Variants in HTR7 observed in about 807,000 individuals in gnomAD.
The protein encoded by HTR7 is 5-hydroxytryptamine receptor 7.
HTR7 carries 16 observed loss-of-function variants against 34.0 expected under a neutral mutation model. The ratio of observed to expected loss-of-function variants is 0.47; its 90% CI spans 0.32 to 0.71. The LOEUF (loss-of-function observed/expected upper bound fraction) is 0.71, where lower values mean the gene tolerates loss of function less well. Among genes scored for constraint, HTR7 ranks in the 30% least tolerant of loss-of-function variants. HTR7 has a pLI of 0.04. For synonymous variants in HTR7, 265 were observed against 260.2 expected, an observed-to-expected ratio of 1.02 and a Z score of -0.18; for missense variants, 504 against 625.5, an observed-to-expected ratio of 0.81 and a Z score of 2.07.
chr10:90,785,673 G>A (rs549388756), intron 1 of HTR7, among the ~76,000 whole-genome samples: 1 of 152,316 alleles, frequency 6.6e-6, no homozygotes, highest in South Asian at 2.1e-4. Context: ...AACCAGTACT[G>A]AGCGTCCAGA....
intron 1 of HTR7, among the ~76,000 whole-genome samples, chr10:90,801,041 T>C (rs894937938): frequency 6.6e-6 from 1 of 152,214 alleles, no homozygotes; most frequent in African/African-American, 2.4e-5. Flanking sequence ...TGCTCTCTTC[T>C]CCTGAGGTTC....
At position 90,759,462 on chromosome 10, in the gene HTR7, T is replaced by C. The variant is rs1844895604; in HGVS notation, c.540-9868A>G. Among the ~76,000 whole-genome samples the C allele has an allele frequency of 4.0e-5, 6 of 149,866 alleles. No homozygotes were observed. In the South Asian group the frequency reaches 1.3e-3, roughly 32 times the overall value. On this transcript the variant is annotated intron_variant, in intron 1 of 3. Coordinates refer to ENST00000336152, the MANE Select transcript of HTR7 (RefSeq NM_019859.4). ...TGAGGTCAGGAGATCGAGACCATCCTGGCTAACAAGGTGAAACCCCGTCTC... is the reference window on the plus strand; with the variant it reads ...TGAGGTCAGGAGATCGAGACCATCCCGGCTAACAAGGTGAAACCCCGTCTC...
At chr10:90,856,002 A>C (rs1846573640) in intron 1 of HTR7, among the ~76,000 whole-genome samples, 1 of 152,168 alleles carries the variant, frequency 6.6e-6, no homozygotes, top group Non-Finnish European at 1.5e-5. Context: ...CAGTGTTTTC[A>C]AGAAGAAAAA....
At chr10:90,761,193 A>C (rs1419303443) in intron 1 of HTR7, among the ~76,000 whole-genome samples, 2 of 152,118 alleles carry the variant, frequency 1.3e-5, no homozygotes, top group African/African-American at 4.8e-5. Flanking sequence ...ACTACATGTT[A>C]TTTATTTTAT....
intron 1 of HTR7, among the ~76,000 whole-genome samples, chr10:90,770,580 A>T (rs749522464): frequency 7.9e-5 from 12 of 152,064 alleles, no homozygotes; most frequent in Admixed American, 3.9e-4. Context: ...TCAGAGCGGG[A>T]TTGGGGCCGA....
intron 1 of HTR7, among the ~76,000 whole-genome samples, chr10:90,831,957 C>T (rs1262369446): frequency 2.0e-5 from 3 of 151,888 alleles, no homozygotes; most frequent in Non-Finnish European, 4.4e-5. Context: ...TGCCGATTGG[C>T]GCATTCACAA....
At chr10:90,752,154 T>C (rs902519210) in intron 1 of HTR7, among the ~76,000 whole-genome samples, 2 of 152,106 alleles carry the variant, frequency 1.3e-5, no homozygotes, top group Non-Finnish European at 2.9e-5. Flanking sequence ...CACTTCCACC[T>C]GGTGAGACAT....
intron 1 of HTR7, among the ~76,000 whole-genome samples, chr10:90,838,611 C>T (rs1846284773): frequency 6.6e-6 from 1 of 152,230 alleles, no homozygotes; most frequent in Non-Finnish European, 1.5e-5. Flanking sequence ...AAAGTCCAAA[C>T]TCTTTACCTG....
chr10:90,839,470 A>C (rs1412197819), intron 1 of HTR7, among the ~76,000 whole-genome samples: 2 of 152,218 alleles, frequency 1.3e-5, no homozygotes, highest in African/African-American at 4.8e-5. Context: ...AAAAGGAAGA[A>C]AGCTATGTAG....
chr10:90,771,171 C>G (rs750361276), intron 1 of HTR7, among the ~76,000 whole-genome samples: 28 of 152,180 alleles, frequency 1.8e-4, no homozygotes, highest in Non-Finnish European at 4.0e-4. Context: ...GAGCTACCCT[C>G]TCTGCTAGGA....
At chr10:90,809,676 C>T (rs1450363215) in intron 1 of HTR7, among the ~76,000 whole-genome samples, 2 of 152,218 alleles carry the variant, frequency 1.3e-5, no homozygotes, top group Non-Finnish European at 2.9e-5. Context: ...TCCTCCAGAA[C>T]CTCCTCTGCC....
chr10:90,837,139 G>T (rs893772969), intron 1 of HTR7, among the ~76,000 whole-genome samples: 2 of 152,282 alleles, frequency 1.3e-5, no homozygotes, highest in East Asian at 3.9e-4. Context: ...TTTGCATCCT[G>T]ACTAGTTTGC....
intron 1 of HTR7, among the ~76,000 whole-genome samples, chr10:90,778,437 G>A (rs973217445): frequency 6.6e-6 from 1 of 152,094 alleles, no homozygotes; most frequent in Non-Finnish European, 1.5e-5. Flanking sequence ...TGCACCACCT[G>A]GGGACTCTGC....
At chr10:90,799,037 TA>T (rs1845582932) in intron 1 of HTR7, among the ~76,000 whole-genome samples, 1 of 152,170 alleles carries the variant, frequency 6.6e-6, no homozygotes, top group African/African-American at 2.4e-5. Flanking sequence ...ATCACTATTG[TA>T]AAACCTAAGA....
chr10:90,825,136 T>C (rs758053873), intron 1 of HTR7, among the ~76,000 whole-genome samples: 10 of 152,208 alleles, frequency 6.6e-5, no homozygotes, highest in Non-Finnish European at 1.3e-4. Flanking sequence ...AGAAGCTCCA[T>C]TTGTTTAGGA....
At chr10:90,795,237 T>A (rs919159529) in intron 1 of HTR7, among the ~76,000 whole-genome samples, 1 of 152,228 alleles carries the variant, frequency 6.6e-6, no homozygotes, top group Non-Finnish European at 1.5e-5. Context: ...CCCCATACTT[T>A]TTTCCATAAT....
intron 1 of HTR7, among the ~76,000 whole-genome samples, chr10:90,832,498 C>G (rs1018459913): frequency 3.9e-5 from 6 of 152,294 alleles, no homozygotes; most frequent in Non-Finnish European, 7.4e-5. Flanking sequence ...CCACGCCCAC[C>G]CGGAACTCCA....
At chr10:90,753,872 T>C (rs2119692018) in intron 1 of HTR7, among the ~76,000 whole-genome samples, 1 of 152,168 alleles carries the variant, frequency 6.6e-6, no homozygotes, top group Non-Finnish European at 1.5e-5. Flanking sequence ...GAATATCATA[T>C]AACATATATT....
intron 1 of HTR7, among the ~76,000 whole-genome samples, chr10:90,830,122 G>A (rs1300848376): frequency 1.3e-5 from 2 of 152,088 alleles, no homozygotes; most frequent in East Asian, 1.9e-4. Flanking sequence ...TTTATCTTGT[G>A]CCAGTATACC....
Sources: allele counts gnomAD v4.1 joint callset (sites outside exome capture counted in the v4.1 genomes callset), GRCh38; gene constraint gnomAD v4.1.1; transcripts MANE v1.5; gene names NCBI Gene and HGNC (gene_info 2026-07-23, HGNC 2026-07-21).